Variants in ZNG1E observed in about 807,000 individuals in gnomAD.
ZNG1E encodes the protein zinc-regulated GTPase metalloprotein activator 1E.
the ZNG1E span, among the ~76,000 whole-genome samples, chr9:65,667,111 G>A: frequency 9.7e-4 from 148 of 152,204 alleles, no homozygotes; most frequent in African/African-American, 1.6e-3. Context: ...GTGAGCCACC[G>A]TACCCGGCCC....
the ZNG1E span, among the ~76,000 whole-genome samples, chr9:65,660,849 ATATAT>A: frequency 3.1e-4 from 44 of 143,490 alleles, no homozygotes; most frequent in South Asian, 1.1e-3. Context: ...ATATATATAT[ATATAT>A]AAAATAAAAA....
chr9:65,658,292 G>A, the ZNG1E span, among the ~76,000 whole-genome samples: 26 of 152,004 alleles, frequency 1.7e-4, no homozygotes, highest in Admixed American at 3.3e-4. Context: ...GAAACAAAAA[G>A]GGAGCTCTTG....
chr9:65,685,131 A>G, the ZNG1E span, among the ~76,000 whole-genome samples: 4 of 152,250 alleles, frequency 2.6e-5, no homozygotes, highest in African/African-American at 7.2e-5. Context: ...AAAAACATAC[A>G]TACCTTAATT....
At chr9:65,714,619 G>C in the ZNG1E span, among the ~76,000 whole-genome samples, 1 of 152,100 alleles carries the variant, frequency 6.6e-6, no homozygotes, top group Non-Finnish European at 1.5e-5. Flanking sequence ...ACCTTCAGCT[G>C]CAGGTCTGTT....
At chr9:65,704,938 A>C in the ZNG1E span, 1 of 139,354 alleles carries the variant, frequency 7.2e-6, no homozygotes, top group Non-Finnish European at 1.5e-5. Context: ...AAACAAAAAA[A>C]CCGGAGATTT....
chr9:65,657,945 CA>C, the ZNG1E span, among the ~76,000 whole-genome samples: 414 of 152,176 alleles, frequency 2.7e-3, 2 homozygotes, highest in African/African-American at 9.6e-3. Flanking sequence ...ACTAAAAATA[CA>C]AAGTTAGCTG....
the ZNG1E span, among the ~76,000 whole-genome samples, chr9:65,681,194 G>C: frequency 2.0e-5 from 3 of 152,008 alleles, no homozygotes; most frequent in East Asian, 5.8e-4. Context: ...AGATAGATAA[G>C]GCAGTCTCTT....
the ZNG1E span, among the ~76,000 whole-genome samples, chr9:65,717,272 C>T: frequency 4.0e-5 from 6 of 149,596 alleles, no homozygotes; most frequent in South Asian, 4.2e-4. Flanking sequence ...CTCCATTAAG[C>T]GAATACAGCC....
At chr9:65,658,439 A>C in the ZNG1E span, among the ~76,000 whole-genome samples, 1,027 of 150,814 alleles carry the variant, frequency 6.8e-3, no homozygotes, top group Non-Finnish European at 0.011. Context: ...AAATTAAAGG[A>C]CTAAAATAAG....
At chr9:65,720,869 G>A in the ZNG1E span, among the ~76,000 whole-genome samples, 186 of 146,454 alleles carry the variant, frequency 1.3e-3, no homozygotes, top group African/African-American at 3.8e-3. Flanking sequence ...TATGTTTGTG[G>A]CACCTTTCCC....
the ZNG1E span, among the ~76,000 whole-genome samples, chr9:65,691,739 C>T: frequency 2.6e-5 from 4 of 151,968 alleles, no homozygotes; most frequent in Non-Finnish European, 5.9e-5. Flanking sequence ...AACACTCCTC[C>T]CTTACTTTAT....
chr9:65,709,459 G>C, the ZNG1E span, among the ~76,000 whole-genome samples: 1 of 131,580 alleles, frequency 7.6e-6, no homozygotes, highest in Non-Finnish European at 1.6e-5. Flanking sequence ...CCACTAACTC[G>C]TCATCTAGCA....
At chr9:65,710,750 T>G in the ZNG1E span, among the ~76,000 whole-genome samples, 4 of 149,666 alleles carry the variant, frequency 2.7e-5, no homozygotes, top group African/African-American at 5.0e-5. Flanking sequence ...CTGTTTTGGT[T>G]ACTGTAGCCT....
At chr9:65,684,545 C>CGCACACGCACAT in the ZNG1E span, among the ~76,000 whole-genome samples, 3 of 144,330 alleles carry the variant, frequency 2.1e-5, no homozygotes, top group South Asian at 2.3e-4. Context: ...CACACACACA[C>CGCACACGCACAT]GCACGCACAC....
At chr9:65,733,236 G>C in the ZNG1E span, 1 of 1,592,836 alleles carries the variant, frequency 6.3e-7, no homozygotes, top group African/African-American at 1.4e-5. Context: ...AACTAAATAA[G>C]CTTGTGGTCA....
the ZNG1E span, among the ~76,000 whole-genome samples, chr9:65,668,260 TCTC>T: frequency 6.6e-6 from 1 of 151,524 alleles, no homozygotes; most frequent in Admixed American, 6.6e-5. Context: ...GAATCTTGCT[TCTC>T]CTACAGAAAA....
At chr9:65,673,664 A>C in the ZNG1E span, among the ~76,000 whole-genome samples, 8 of 152,374 alleles carry the variant, frequency 5.3e-5, no homozygotes, top group Admixed American at 2.0e-4. Context: ...AATTAGCCAG[A>C]TGTAATGGCA....
the ZNG1E span, among the ~76,000 whole-genome samples, chr9:65,658,616 C>T: frequency 6.6e-6 from 1 of 151,120 alleles, no homozygotes; most frequent in Non-Finnish European, 1.5e-5. Context: ...AGACCCATCC[C>T]AAGGCACATT....
At chr9:65,687,954 T>G in the ZNG1E span, among the ~76,000 whole-genome samples, 1 of 151,250 alleles carries the variant, frequency 6.6e-6, no homozygotes, top group African/African-American at 2.4e-5. Context: ...TTTATTACCA[T>G]GAATACTTTT....
Sources: allele counts gnomAD v4.1 joint callset (sites outside exome capture counted in the v4.1 genomes callset), GRCh38; gene constraint gnomAD v4.1.1; transcripts MANE v1.5; gene names NCBI Gene and HGNC (gene_info 2026-07-23, HGNC 2026-07-21).